ADAMTS14: variants seen among roughly 807,000 people sequenced by gnomAD.
The protein encoded by ADAMTS14 is ADAM metallopeptidase with thrombospondin type 1 motif 14, also known as A disintegrin and metalloproteinase with thrombospondin motifs 14.
In ADAMTS14, 100 loss-of-function variants were observed where a neutral mutation model predicts 128.6. The observed-to-expected ratio is 0.78, with a 90% confidence interval of 0.66 to 0.92. The LOEUF (loss-of-function observed/expected upper bound fraction) is 0.92. ADAMTS14 is among the 40% of genes least tolerant of loss of function. ADAMTS14 has a pLI of 0.00. For synonymous variants in ADAMTS14, 665 were observed against 653.8 expected (o/e 1.02, Z -0.26); for missense variants, 1,562 against 1,658.6 (o/e 0.94, Z 1.01).
rs1039872930 is a variant in ADAMTS14 at position 70,760,949 on chromosome 10, C to A, written c.*96C>A. 22 of 1,429,342 alleles carry A rather than the reference C, an allele frequency of 1.5e-5. No homozygotes were observed. Among genetic ancestry groups the A allele is most frequent in the East Asian group, 2.4e-5 (1 of 41,132 alleles). The allele number at this position is 1,429,342 out of a possible 1,614,324, so 88.5% of individuals were successfully genotyped here. Reference sequence around the variant, plus strand: ...ACACATAGCAGGGCAGGCGCAAGCACAGACTTCATTTTAAATCATTCGCCT... The same window carrying A: ...ACACATAGCAGGGCAGGCGCAAGCAAAGACTTCATTTTAAATCATTCGCCT... On this transcript the variant is annotated 3_prime_UTR_variant, in exon 22 of 22. Coordinates refer to ENST00000373207, the MANE Select transcript of ADAMTS14 (RefSeq NM_080722.4).
intron 4 of ADAMTS14, among the ~76,000 whole-genome samples, chr10:70,718,107 A>T (rs893825266): frequency 2.0e-5 from 3 of 152,194 alleles, no homozygotes; most frequent in African/African-American, 7.2e-5. Flanking sequence ...TGCATTACAC[A>T]TCCATCATAA....
Position 70,708,581 on chromosome 10 carries a change from G to A in ADAMTS14, c.680-7G>A, listed in dbSNP as rs199946563. On this transcript the variant is annotated splice_polypyrimidine_tract_variant and splice_region_variant and intron_variant, in intron 3 of 21. Coordinates refer to ENST00000373207, the MANE Select transcript of ADAMTS14 (RefSeq NM_080722.4). Reference sequence around the variant, plus strand: ...TGGACCTCACTCTCTTCCTGTCTTGGTTCCAGCCTTTGGCCTGGGAGACCT... The same window carrying A: ...TGGACCTCACTCTCTTCCTGTCTTGATTCCAGCCTTTGGCCTGGGAGACCT... 5.3e-4 allele frequency: 850 copies of A among 1,599,478 alleles called. 3 individuals are homozygous for A. Among genetic ancestry groups the A allele is most frequent in the Non-Finnish European group, 2.5e-4 (297 of 1,169,000 alleles).
At chr10:70,728,729 T>C (rs1841523839) in intron 4 of ADAMTS14, among the ~76,000 whole-genome samples, 1 of 152,262 alleles carries the variant, frequency 6.6e-6, no homozygotes, top group Non-Finnish European at 1.5e-5. Flanking sequence ...CAATTGCAGA[T>C]CCTTATTCAG....
intron 4 of ADAMTS14, among the ~76,000 whole-genome samples, chr10:70,721,303 G>T (rs60547943): frequency 6.6e-6 from 1 of 151,584 alleles, no homozygotes; most frequent in Non-Finnish European, 1.5e-5. Context: ...GATTACAGGC[G>T]TGAGCCACCA....
chr10:70,760,228 A>C, intron 21 of ADAMTS14, 132 bp from the exon 22 acceptor site: 1 of 1,228,766 alleles, frequency 8.1e-7, no homozygotes, highest in Non-Finnish European at 1.1e-6. Context: ...ACCCTGAGAA[A>C]AAGCTTTATA....
At chr10:70,693,970 C>T (rs1269487774) in intron 2 of ADAMTS14, among the ~76,000 whole-genome samples, 2 of 152,244 alleles carry the variant, frequency 1.3e-5, no homozygotes, top group Non-Finnish European at 2.9e-5. Flanking sequence ...AGTCTGGCAG[C>T]TTTCAGCCCC....
At chr10:70,684,840 G>GCCTGGGTCCTGGGT (rs146647999) in intron 2 of ADAMTS14, among the ~76,000 whole-genome samples, 3 of 151,778 alleles carry the variant, frequency 2.0e-5, no homozygotes, top group East Asian at 1.9e-4. Flanking sequence ...GAGGCCCCGG[G>GCCTGGGTCCTGGGT]CCTGGGTCCT....
chr10:70,719,370 ACAC>A (rs1338333712), intron 4 of ADAMTS14, among the ~76,000 whole-genome samples: 2 of 2,540 alleles, frequency 7.9e-4, no homozygotes, highest in African/African-American at 1.9e-3. Context: ...CCACAAATAC[ACAC>A]ACACACACAC....
At chr10:70,697,420 G>A (rs747359190) in intron 2 of ADAMTS14, among the ~76,000 whole-genome samples, 1 of 152,204 alleles carries the variant, frequency 6.6e-6, no homozygotes, top group Non-Finnish European at 1.5e-5. Flanking sequence ...CTCTGTACCT[G>A]CCCATGTCTG....
chr10:70,718,640 C>T (rs1052907712), intron 4 of ADAMTS14, among the ~76,000 whole-genome samples: 7 of 150,736 alleles, frequency 4.6e-5, no homozygotes, highest in Non-Finnish European at 1.0e-4. Flanking sequence ...CCCGCCTCAG[C>T]CTCCCAAAGT....
At chr10:70,743,722 G>A in intron 13 of ADAMTS14, 41 bp downstream of exon 13, 1 of 1,528,376 alleles carries the variant, frequency 6.5e-7, no homozygotes. Flanking sequence ...GGCACAGGGA[G>A]ACTGGAGGGC....
chr10:70,677,574 C>T (rs184025016), intron 2 of ADAMTS14, among the ~76,000 whole-genome samples: 2 of 152,196 alleles, frequency 1.3e-5, no homozygotes, highest in Admixed American at 1.3e-4. Context: ...GCCTGGGTCC[C>T]CCTCCCCTTG....
intron 15 of ADAMTS14, among the ~76,000 whole-genome samples, chr10:70,749,122 A>T (rs1472919608): frequency 1.3e-5 from 2 of 152,066 alleles, no homozygotes; most frequent in African/African-American, 4.8e-5. Context: ...CCGCTGGGAG[A>T]GGTGTGGCAT....
At chr10:70,682,767 G>A (rs1839849279) in intron 2 of ADAMTS14, among the ~76,000 whole-genome samples, 2 of 152,110 alleles carry the variant, frequency 1.3e-5, no homozygotes, top group African/African-American at 4.8e-5. Context: ...TTTCAGTGGG[G>A]CACACAGAGC....
chr10:70,744,151 C>A lies in ADAMTS14; in HGVS notation c.2144C>A (p.Thr715Asn). The A allele has an allele frequency of 6.4e-7, 1 of 1,551,806 alleles. No individual in the cohort carries two copies. Among genetic ancestry groups the A allele is most frequent in the South Asian group, 1.2e-5 (1 of 83,988 alleles). ...VCGGDNSHCRTVKGTLGKASK... is the reference protein window; with the variant it reads ...VCGGDNSHCRNVKGTLGKASK... ...GGGGGTGACAACTCCCACTGCAGGACTGTGAAGGGGACGCTGGGCAAGGCC... is the reference window on the plus strand; with the variant it reads ...GGGGGTGACAACTCCCACTGCAGGAATGTGAAGGGGACGCTGGGCAAGGCC... Residue 715 changes from threonine (T) to asparagine (N), a missense_variant, in exon 14 of 22, where the codon ACT (threonine) becomes AAT (asparagine). Physicochemically the swap from Thr to Asn is moderately conservative, Grantham distance 65 (BLOSUM62 0). Coordinates refer to ENST00000373207, the MANE Select transcript of ADAMTS14 (RefSeq NM_080722.4).
intron 19 of ADAMTS14, among the ~76,000 whole-genome samples, chr10:70,756,463 G>T (rs761017062): frequency 6.6e-6 from 1 of 152,152 alleles, no homozygotes; most frequent in African/African-American, 2.4e-5. Flanking sequence ...TGGCCCTGTC[G>T]CAATAAGCAA....
At chr10:70,729,422 G>C (rs200944211) in intron 5 of ADAMTS14, 45 bp downstream of exon 5, 168 of 1,514,878 alleles carry the variant, frequency 1.1e-4, no homozygotes, top group Non-Finnish European at 8.1e-5. Flanking sequence ...GAGAAGGGTT[G>C]TGGGGCCAGA....
At chr10:70,759,132 T>TCGGAG (rs147146770) in intron 21 of ADAMTS14, among the ~76,000 whole-genome samples, 1 of 123,044 alleles carries the variant, frequency 8.1e-6, no homozygotes, top group Non-Finnish European at 1.7e-5. Flanking sequence ...AATCTTCTAC[T>TCGGAG]TCTCTGCTCC....
chr10:70,703,556 G>T (rs1840560130), intron 3 of ADAMTS14, among the ~76,000 whole-genome samples: 2 of 152,228 alleles, frequency 1.3e-5, no homozygotes, highest in South Asian at 4.1e-4. Context: ...GGGCCTCTGA[G>T]CACTGGCGTG....
Sources: gnomAD v4.1 joint callset for allele counts (sites outside exome capture counted in the v4.1 genomes callset) on GRCh38, gnomAD v4.1.1 for gene constraint, MANE v1.5 for transcripts, NCBI Gene and HGNC (gene_info 2026-07-23, HGNC 2026-07-21) for gene names.